The following SSBP2 variants were observed in gnomAD, a reference collection of about 807,000 sequenced individuals.
The protein encoded by SSBP2 is single-stranded DNA-binding protein 2.
A neutral mutation model predicts 61.8 loss-of-function variants in SSBP2; 17 were observed. That is an observed-to-expected ratio of 0.28 (90% CI 0.19 to 0.41). SSBP2 has a LOEUF of 0.41. Among genes scored for constraint, SSBP2 ranks in the 10% least tolerant of loss-of-function variants. The pLI is 1.00. For synonymous variants in SSBP2, 139 were observed against 141.3 expected, an observed-to-expected ratio of 0.98 and a Z score of 0.12; for missense variants, 310 against 458.7, an observed-to-expected ratio of 0.68 and a Z score of 2.96.
chr5:81,568,892 T>A (rs1288762972), intron 4 of SSBP2, among the ~76,000 whole-genome samples: 2 of 152,012 alleles, frequency 1.3e-5, no homozygotes, highest in Non-Finnish European at 2.9e-5. Context: ...TAAACAAAGG[T>A]ATGTAGAAAA....
In SSBP2 at chr5:81,467,000, A is replaced by C; in HGVS notation, c.612T>G (p.Gly204=). 1 of 1,609,770 alleles carries C rather than the reference A, an allele frequency of 6.2e-7. No individual in the cohort carries two copies. ...TGTTCATTCCAGGCATTCCAGGGCC[A>C]CCTAAAGCATTCAGTGGGGGTCTCA... Residue 204 remains glycine (G), a synonymous_variant, in exon 9 of 17, where the codon GGT becomes GGG. Transcript: ENST00000320672.
chr5:81,582,380 AAAAG>A (rs1292535318), intron 4 of SSBP2, among the ~76,000 whole-genome samples: 10 of 152,194 alleles, frequency 6.6e-5, no homozygotes, highest in Admixed American at 2.6e-4. Flanking sequence ...TAAATTCACA[AAAAG>A]AAAGCATTCA....
In SSBP2 at chr5:81,497,336, G is replaced by A. The variant is rs150338482; in HGVS notation, c.373-8027C>T. Among the ~76,000 whole-genome samples, 512 of 152,212 alleles carry A rather than the reference G, an allele frequency of 3.4e-3. 4 individuals are homozygous for A. The highest frequency in any genetic ancestry group is 0.012 in the African/African-American group (487 of 41,546). ...ATGGAAGAAAGCAGCTAGCACATTC[G>A]AAGACAGAATGTATGAAGCAAATGT... On this transcript the variant is annotated intron_variant, in intron 5 of 16. Coordinates refer to ENST00000320672, the MANE Select transcript of SSBP2 (RefSeq NM_012446.5).
intron 1 of SSBP2, among the ~76,000 whole-genome samples, chr5:81,731,167 T>TA (rs1756238119): frequency 6.6e-6 from 1 of 152,212 alleles, no homozygotes; most frequent in Non-Finnish European, 1.5e-5. Context: ...GTCCACAAAA[T>TA]AGAGTACAAT....
At chr5:81,603,347 T>A (rs2153564840) in intron 4 of SSBP2, among the ~76,000 whole-genome samples, 1 of 152,262 alleles carries the variant, frequency 6.6e-6, no homozygotes, top group Non-Finnish European at 1.5e-5. Context: ...GTGACATGGT[T>A]TTAAGACAGA....
At chr5:81,732,186 ATC>A (rs1330098219) in intron 1 of SSBP2, among the ~76,000 whole-genome samples, 3 of 152,190 alleles carry the variant, frequency 2.0e-5, no homozygotes, top group Non-Finnish European at 2.9e-5. Context: ...ATGTTAAACC[ATC>A]TGTTTCTTCA....
chr5:81,606,766 G>A (rs747835017), intron 4 of SSBP2, among the ~76,000 whole-genome samples: 5 of 152,202 alleles, frequency 3.3e-5, no homozygotes, highest in Non-Finnish European at 7.3e-5. Context: ...AAAGGCGTAG[G>A]CCTGTGAGAG....
At chr5:81,481,359 C>A (rs1580793566) in intron 6 of SSBP2, among the ~76,000 whole-genome samples, 1 of 152,074 alleles carries the variant, frequency 6.6e-6, no homozygotes, top group African/African-American at 2.4e-5. Context: ...CAGTGGCTCA[C>A]GCCTGTAATC....
intron 4 of SSBP2, among the ~76,000 whole-genome samples, chr5:81,597,175 C>T (rs1743845197): frequency 6.6e-6 from 1 of 152,158 alleles, no homozygotes; most frequent in Non-Finnish European, 1.5e-5. Flanking sequence ...AAAAAACAAA[C>T]AACCCCATCA....
At chr5:81,694,563 A>G (rs1488626564) in intron 1 of SSBP2, among the ~76,000 whole-genome samples, 1 of 152,100 alleles carries the variant, frequency 6.6e-6, no homozygotes, top group Non-Finnish European at 1.5e-5. Context: ...ATCCACAGTA[A>G]AAGTACTTTT....
At chr5:81,567,724 C>G (rs1773535279) in intron 4 of SSBP2, among the ~76,000 whole-genome samples, 1 of 152,198 alleles carries the variant, frequency 6.6e-6, no homozygotes, top group African/African-American at 2.4e-5. Flanking sequence ...CCTGCAAAAC[C>G]ACAGGGGCAG....
intron 1 of SSBP2, among the ~76,000 whole-genome samples, chr5:81,660,006 C>CA (rs1750554659): frequency 6.6e-6 from 1 of 152,008 alleles, no homozygotes; most frequent in African/African-American, 2.4e-5. Flanking sequence ...TTACACCTTA[C>CA]AAAAAATTAA....
At chr5:81,425,129 A>G (rs1761872827) in intron 16 of SSBP2, among the ~76,000 whole-genome samples, 4 of 152,188 alleles carry the variant, frequency 2.6e-5, no homozygotes, top group Non-Finnish European at 5.9e-5. Flanking sequence ...CTTGCTATGA[A>G]CTTGTGATTT....
intron 4 of SSBP2, among the ~76,000 whole-genome samples, chr5:81,525,069 G>C (rs961672490): frequency 6.6e-6 from 1 of 151,962 alleles, no homozygotes; most frequent in Non-Finnish European, 1.5e-5. Context: ...TTAGGATCTA[G>C]TTTTAATCCT....
intron 1 of SSBP2, among the ~76,000 whole-genome samples, chr5:81,690,087 G>C (rs1753093401): frequency 6.6e-6 from 1 of 151,316 alleles, no homozygotes; most frequent in Non-Finnish European, 1.5e-5. Context: ...AAATCAAAAA[G>C]AATACAACAG....
At position 81,678,432 on chromosome 5, in the gene SSBP2, TA is replaced by T. The variant is rs1752152027; in HGVS notation, c.63-28094del. 3.3e-5 allele frequency among the ~76,000 whole-genome samples: 5 copies of T among 151,866 alleles called. No homozygotes were observed. In the South Asian group the frequency reaches 8.3e-4, roughly 25 times the overall value. ...ATATCCAAGAACTGTGGGACAACTA[TA>T]AAAATTTTAACATACATGTAATGAA... On this transcript the variant is annotated intron_variant, in intron 1 of 16. Coordinates refer to ENST00000320672, the MANE Select transcript of SSBP2 (RefSeq NM_012446.5).
rs114741866 is a variant in SSBP2 at position 81,555,579 on chromosome 5, T to C, written c.283-41862A>G. Reference sequence around the variant, plus strand: ...ACATTGTCTTCACATTCTAATTAGCTTGGGCTTCTATGTTGTCACCCTGGT... The same window carrying C: ...ACATTGTCTTCACATTCTAATTAGCCTGGGCTTCTATGTTGTCACCCTGGT... On this transcript the variant is annotated intron_variant, in intron 4 of 16. Transcript: ENST00000320672. Among the ~76,000 whole-genome samples, 917 of 152,232 alleles carry C rather than the reference T, an allele frequency of 6.0e-3. 8 individuals carry two copies. Among genetic ancestry groups the C allele is most frequent in the African/African-American group, 0.021 (857 of 41,558 alleles).
chr5:81,606,441 G>A (rs1197253976), intron 4 of SSBP2, among the ~76,000 whole-genome samples: 1 of 152,066 alleles, frequency 6.6e-6, no homozygotes, highest in Admixed American at 6.6e-5. Context: ...TAGCAGTGGT[G>A]TCAGGTCAAT....
intron 1 of SSBP2, among the ~76,000 whole-genome samples, chr5:81,658,551 G>A (rs942307479): frequency 3.3e-5 from 5 of 152,026 alleles, no homozygotes; most frequent in African/African-American, 1.2e-4. Context: ...ACTTTTTTAT[G>A]TTGTATTATT....
Sources: allele counts gnomAD v4.1 joint callset (sites outside exome capture counted in the v4.1 genomes callset), GRCh38; gene constraint gnomAD v4.1.1; transcripts MANE v1.5; gene names NCBI Gene and HGNC (gene_info 2026-07-23, HGNC 2026-07-21).